USP48: variants seen among roughly 807,000 people sequenced by gnomAD.
The protein encoded by USP48 is ubiquitin specific peptidase 48, also known as ubiquitin carboxyl-terminal hydrolase 48.
USP48 carries 43 observed loss-of-function variants against 150.7 expected under a neutral mutation model. The observed-to-expected ratio is 0.29, with a 90% CI of 0.22 to 0.37. The LOEUF is 0.37. USP48 is among the 10% of genes least tolerant of loss of function. USP48 has a pLI of 1.00. For synonymous variants in USP48, 396 were observed against 425.9 expected, an observed-to-expected ratio of 0.93 and a Z score of 0.86; for missense variants, 813 against 1,249.6, an observed-to-expected ratio of 0.65 and a Z score of 5.27.
intron 11 of USP48, 40 bp downstream of exon 11, chr1:21,728,530 A>G (rs1454098679): frequency 1.3e-6 from 2 of 1,581,258 alleles, no homozygotes; most frequent in African/African-American, 1.4e-5. Context: ...AAAACAAGGC[A>G]CTTAATGGCA....
At chr1:21,706,615 G>A in intron 16 of USP48, 26 bp from the exon 17 acceptor site, 2 of 1,613,986 alleles carry the variant, frequency 1.2e-6, no homozygotes, top group Non-Finnish European at 1.7e-6. Flanking sequence ...GCAATCAACT[G>A]TCTCCTGCTG....
intron 1 of USP48, among the ~76,000 whole-genome samples, chr1:21,766,030 G>A (rs1385494141): frequency 6.6e-6 from 1 of 150,712 alleles, no homozygotes; most frequent in Non-Finnish European, 1.5e-5. Flanking sequence ...CAACAGGCAA[G>A]AAAGGAAAGG....
intron 22 of USP48, among the ~76,000 whole-genome samples, chr1:21,700,449 G>C (rs2097652116): frequency 6.6e-6 from 1 of 152,144 alleles, no homozygotes; most frequent in Admixed American, 6.5e-5. Flanking sequence ...CGGCTTTTCA[G>C]ACTCTCTCAA....
At chr1:21,750,801 G>C (rs1194327252) in intron 6 of USP48, among the ~76,000 whole-genome samples, 1 of 151,748 alleles carries the variant, frequency 6.6e-6, no homozygotes, top group Non-Finnish European at 1.5e-5. Context: ...AGAATCGCTT[G>C]AATCCGGGAG....
At chr1:21,759,181 C>CAAAAAAAAAAAAAAA (rs11341963) in intron 1 of USP48, among the ~76,000 whole-genome samples, 3 of 69,252 alleles carry the variant, frequency 4.3e-5, no homozygotes, top group East Asian at 4.6e-4. Context: ...GACACGGTCT[C>CAAAAAAAAAAAAAAA]AAAAAAAAAA....
intron 8 of USP48, among the ~76,000 whole-genome samples, chr1:21,738,768 T>C (rs892491844): frequency 1.3e-5 from 2 of 152,194 alleles, no homozygotes; most frequent in Middle Eastern, 3.4e-3. Context: ...CAGCAGAGTA[T>C]AGCCAATCAC....
At chr1:21,727,198 C>CA (rs1301210724) in intron 11 of USP48, among the ~76,000 whole-genome samples, 2 of 152,076 alleles carry the variant, frequency 1.3e-5, no homozygotes, top group Non-Finnish European at 2.9e-5. Flanking sequence ...AAATGCATAA[C>CA]AAAAGACTTC....
chr1:21,707,957 T>C (rs1571793241), intron 15 of USP48, among the ~76,000 whole-genome samples: 1 of 151,538 alleles, frequency 6.6e-6, no homozygotes. Context: ...TTGTCAGGAG[T>C]TTGAGACCAG....
chr1:21,758,627 G>A (rs2152609604), intron 1 of USP48, among the ~76,000 whole-genome samples: 1 of 152,156 alleles, frequency 6.6e-6, no homozygotes, highest in Middle Eastern at 3.4e-3. Context: ...GTGCGGGCCT[G>A]TAATCCCAGC....
chr1:21,761,204 G>C (rs2097849226), intron 1 of USP48, among the ~76,000 whole-genome samples: 1 of 151,794 alleles, frequency 6.6e-6, no homozygotes, highest in African/African-American at 2.4e-5. Flanking sequence ...AGATAGAAGA[G>C]TACATTATAA....
intron 26 of USP48, among the ~76,000 whole-genome samples, chr1:21,680,295 C>A (rs1220419463): frequency 6.6e-6 from 1 of 152,230 alleles, no homozygotes; most frequent in African/African-American, 2.4e-5. Context: ...TCGGTGTGCA[C>A]AACTACATGG....
chr1:21,687,313 C>A, intron 24 of USP48, 74 bp from the exon 25 acceptor site: 2 of 1,356,394 alleles, frequency 1.5e-6, no homozygotes, highest in South Asian at 1.2e-5. Flanking sequence ...GCCCATGATT[C>A]AACTACTGAT....
chr1:21,738,362 T>TC (rs2097773346), intron 8 of USP48, among the ~76,000 whole-genome samples: 1 of 148,378 alleles, frequency 6.7e-6, no homozygotes, highest in Non-Finnish European at 1.5e-5. Flanking sequence ...CTGGCCTTTT[T>TC]TTTTTTTTTT....
intron 1 of USP48, among the ~76,000 whole-genome samples, chr1:21,776,840 G>A (rs532671724): frequency 2.6e-5 from 4 of 152,030 alleles, no homozygotes; most frequent in East Asian, 1.9e-4. Context: ...CCAGCTACTC[G>A]GGAGGCTGAG....
At chr1:21,700,907 T>A (rs938271765) in intron 22 of USP48, among the ~76,000 whole-genome samples, 1 of 151,224 alleles carries the variant, frequency 6.6e-6, no homozygotes, top group Non-Finnish European at 1.5e-5. Context: ...CCATTAAAGA[T>A]ACAAAAAATT....
intron 15 of USP48, among the ~76,000 whole-genome samples, chr1:21,713,172 A>ACAG (rs1163703377): frequency 6.6e-6 from 1 of 151,384 alleles, no homozygotes; most frequent in Admixed American, 6.6e-5. Context: ...GCACGTGAAT[A>ACAG]TGGCTCACTG....
chr1:21,756,235 C>T (rs1469835422), intron 3 of USP48, among the ~76,000 whole-genome samples: 3 of 151,902 alleles, frequency 2.0e-5, no homozygotes, highest in African/African-American at 7.3e-5. Flanking sequence ...AGTCGCAGCA[C>T]TTTGGAAGGC....
In USP48 at chr1:21,742,597, A is replaced by C. The variant is rs746187587; in HGVS notation, c.991+4470T>G. On this transcript the variant is annotated intron_variant, in intron 8 of 26. Coordinates refer to ENST00000308271, the MANE Select transcript of USP48 (RefSeq NM_032236.8). ...AAAAAGAAAAAGAAAAGAAAAGAAA[A>C]GAAAAAAAGAAAAAGAAAACTCCTG... is the stretch of plus-strand genomic sequence containing the variant. Among the ~76,000 whole-genome samples the C allele has an allele frequency of 4.8e-4, 58 of 119,924 alleles. 1 individual carries two copies. The highest frequency in any genetic ancestry group is 9.1e-4 in the Admixed American group (12 of 13,204). 78.7% of individuals were successfully genotyped at this position (119,924 alleles called of 152,430 possible).
chr1:21,736,726 T>A, intron 8 of USP48, 101 bp from the exon 9 acceptor site: 1 of 1,061,800 alleles, frequency 9.4e-7, no homozygotes, highest in Non-Finnish European at 1.3e-6. Flanking sequence ...ACATGTGGTA[T>A]AACTAAAAAC....
Sources: gnomAD v4.1 joint callset for allele counts (sites outside exome capture counted in the v4.1 genomes callset) on GRCh38, gnomAD v4.1.1 for gene constraint, MANE v1.5 for transcripts, NCBI Gene and HGNC (gene_info 2026-07-23, HGNC 2026-07-21) for gene names.